The following MARCHF7 variants were observed in gnomAD, a reference collection of about 807,000 sequenced individuals.
MARCHF7 encodes E3 ubiquitin-protein ligase MARCHF7.
A neutral mutation model predicts 76.5 loss-of-function variants in MARCHF7; 20 were observed. The observed-to-expected ratio is 0.26, with a 90% CI of 0.18 to 0.38. The LOEUF is 0.38. Among genes scored for constraint, MARCHF7 ranks in the 10% least tolerant of loss-of-function variants. The probability of loss-of-function intolerance (pLI) is 1.00; values close to 1 mark genes in which losing one functional copy is unlikely to be tolerated. For synonymous variants in MARCHF7, 295 were observed against 293.0 expected, an observed-to-expected ratio of 1.01 and a Z score of -0.07; for missense variants, 797 against 812.9, an observed-to-expected ratio of 0.98 and a Z score of 0.24.
chr2:159,764,245 TGTGTGTGTGTGC>T (rs1169035235), intron 10 of MARCHF7, among the ~76,000 whole-genome samples: 3 of 148,162 alleles, frequency 2.0e-5, no homozygotes, highest in Non-Finnish European at 3.0e-5. Context: ...TGTGTGTGTG[TGTGTGTGTGTGC>T]GCGCGCCCAC....
intron 4 of MARCHF7, among the ~76,000 whole-genome samples, chr2:159,738,313 C>T (rs1371175466): frequency 6.6e-6 from 1 of 152,184 alleles, no homozygotes; most frequent in Non-Finnish European, 1.5e-5. Flanking sequence ...TAGGTCTGGA[C>T]TCCCCAAAGG....
chr2:159,728,057 A>T (rs1476707202), intron 3 of MARCHF7, among the ~76,000 whole-genome samples: 1 of 152,218 alleles, frequency 6.6e-6, no homozygotes, highest in African/African-American at 2.4e-5. Flanking sequence ...TTTTACTTAA[A>T]ATGTTACTTT....
At position 159,743,271 on chromosome 2, in the gene MARCHF7, T is replaced by C. The variant is rs747935784; in HGVS notation, c.346+18T>C. Reference sequence around the variant, plus strand: ...ATTATCAGGTAAGAATGAGTTTCTGTAGGTATTTTAAGCCGTTTTTCTCCA... The same window carrying C: ...ATTATCAGGTAAGAATGAGTTTCTGCAGGTATTTTAAGCCGTTTTTCTCCA... On this transcript the variant is annotated intron_variant, in intron 5 of 11. Transcript: ENST00000409175. The C allele has an allele frequency of 4.4e-6, 7 of 1,602,850 alleles. No individual in the cohort carries two copies. In the South Asian group the frequency reaches 7.8e-5, roughly 18 times the overall value.
rs550410486 is a variant in MARCHF7 at position 159,762,808 on chromosome 2, G to A, written c.1894-72G>A. ...CCTCTAGTTTATCAGTGTACTGTGA[G>A]TATCAATCTCAATTCTACTAATTTT... On this transcript the variant is annotated intron_variant, in intron 9 of 11. Coordinates refer to ENST00000409175, the MANE Select transcript of MARCHF7 (RefSeq NM_001282805.2). The A allele has an allele frequency of 1.1e-5, 9 of 828,510 alleles. No homozygotes were observed. In the South Asian group the frequency reaches 1.3e-4, roughly 12 times the overall value. 51.3% of individuals were successfully genotyped at this position (828,510 alleles called of 1,614,324 possible).
chr2:159,746,202 A>G (rs1704859117), intron 6 of MARCHF7, among the ~76,000 whole-genome samples: 1 of 152,178 alleles, frequency 6.6e-6, no homozygotes, highest in African/African-American at 2.4e-5. Context: ...TTAGAAAGTA[A>G]CATACTAAAT....
At chr2:159,749,170 G>T (rs538119830) in intron 7 of MARCHF7, among the ~76,000 whole-genome samples, 2 of 151,696 alleles carry the variant, frequency 1.3e-5, no homozygotes, top group African/African-American at 4.8e-5. Flanking sequence ...TAGGGACGGG[G>T]TTTCACCATG....
At chr2:159,722,602 G>A (rs947533700) in intron 3 of MARCHF7, among the ~76,000 whole-genome samples, 2 of 152,146 alleles carry the variant, frequency 1.3e-5, no homozygotes, top group Non-Finnish European at 2.9e-5. Flanking sequence ...TAGTGCATGA[G>A]TATCCAAAAA....
intron 4 of MARCHF7, among the ~76,000 whole-genome samples, chr2:159,732,365 G>GT (rs1472805166): frequency 2.0e-5 from 3 of 152,150 alleles, no homozygotes; most frequent in Admixed American, 1.3e-4. Context: ...ATGCTTTTTA[G>GT]TTGCTTTAAG....
At chr2:159,764,255 T>TGC (rs1553788076) in intron 10 of MARCHF7, among the ~76,000 whole-genome samples, 4,785 of 131,366 alleles carry the variant, frequency 0.036, 109 homozygotes, top group East Asian at 0.053. Flanking sequence ...TGTGTGTGTG[T>TGC]GCGCGCGCCC....
In MARCHF7 at chr2:159,729,860, A is replaced by G. The variant is rs148792104; in HGVS notation, c.153+685A>G. 2.9e-3 allele frequency among the ~76,000 whole-genome samples: 440 copies of G among 152,350 alleles called. 1 individual carries two copies. The highest frequency in any genetic ancestry group is 5.7e-3 in the Non-Finnish European group (385 of 68,040). On this transcript the variant is annotated intron_variant, in intron 4 of 11. Transcript: ENST00000409175. ...TGCATATACACAAAGCAGTGGTGAA[A>G]TAACAAATGTTAAGTGTTTTTCTGT...
In MARCHF7 at chr2:159,761,604, G is replaced by T. The variant is rs535474054; in HGVS notation, c.1894-1276G>T. On this transcript the variant is annotated intron_variant, in intron 9 of 11. Coordinates refer to ENST00000409175, the MANE Select transcript of MARCHF7 (RefSeq NM_001282805.2). ...TAATTGTATTTTTAGTAGAGATGGG[G>T]TTTCACCGTGTTGGCCAGGCTGTTC... is the stretch of plus-strand genomic sequence containing the variant. Among the ~76,000 whole-genome samples the T allele has an allele frequency of 2.7e-5, 4 of 150,730 alleles. No homozygotes were observed. In the South Asian group the frequency reaches 8.4e-4, roughly 32 times the overall value.
chr2:159,714,131 C>T (rs950035286), intron 1 of MARCHF7, among the ~76,000 whole-genome samples: 1 of 152,164 alleles, frequency 6.6e-6, no homozygotes, highest in Non-Finnish European at 1.5e-5. Flanking sequence ...AATTTTTAGT[C>T]CGCTCCATAC....
At chr2:159,718,457 G>T (rs997140592) in intron 3 of MARCHF7, among the ~76,000 whole-genome samples, 5 of 152,084 alleles carry the variant, frequency 3.3e-5, no homozygotes, top group Non-Finnish European at 7.4e-5. Context: ...GTTATTTTAT[G>T]ACTACTGTGT....
intron 3 of MARCHF7, among the ~76,000 whole-genome samples, chr2:159,726,224 GTTTT>G (rs759806180): frequency 0.43 from 32,061 of 74,764 alleles, 4,336 homozygotes; most frequent in Middle Eastern, 0.56. Context: ...TACAGGTTTT[GTTTT>G]GTTTTGTTTT....
In MARCHF7 at chr2:159,731,583, C is replaced by T. The variant is rs916606719; in HGVS notation, c.153+2408C>T. Among the ~76,000 whole-genome samples the T allele has an allele frequency of 4.0e-5, 6 of 151,264 alleles. No homozygotes were observed. The East Asian group carries it at 9.8e-4, about 25-fold the overall frequency. On this transcript the variant is annotated intron_variant, in intron 4 of 11. Coordinates refer to ENST00000409175, the MANE Select transcript of MARCHF7 (RefSeq NM_001282805.2). ...CAGCCTAACCAACATGGAGAAACCCCGTCTCTACTAAAAAGACAAAATTAG... is the reference window on the plus strand; with the variant it reads ...CAGCCTAACCAACATGGAGAAACCCTGTCTCTACTAAAAAGACAAAATTAG...
At chr2:159,742,165 AAG>A (rs1285133264) in intron 4 of MARCHF7, among the ~76,000 whole-genome samples, 1 of 152,172 alleles carries the variant, frequency 6.6e-6, no homozygotes, top group Non-Finnish European at 1.5e-5. Context: ...TATATGTTAA[AAG>A]AGAAAACCAT....
At position 159,752,556 on chromosome 2, in the gene MARCHF7, G is replaced by A. The variant is rs747087376; in HGVS notation, c.1768G>A (p.Ala590Thr). 6.6e-7 allele frequency: 1 copy of A among 1,520,458 alleles called. No homozygotes were observed. Among genetic ancestry groups the A allele is most frequent in the Non-Finnish European group, 8.8e-7 (1 of 1,133,488 alleles). The allele number at this position is 1,520,458 out of a possible 1,614,324, so 94.2% of individuals were successfully genotyped here. The change falls in exon 8 of 12, where the codon GCC becomes ACC. Residue 590 changes from alanine (A) to threonine (T), a missense_variant. Ala to Thr is a moderately conservative substitution (Grantham distance 58). Around this residue, in one of 3 missense-constraint regions of MARCHF7, gnomAD observed 30 missense variants for 60.1 expected, o/e 0.50. Coordinates refer to ENST00000409175, the MANE Select transcript of MARCHF7 (RefSeq NM_001282805.2). ...AGACTGTATGAAAAAGTGGTTACAG[G>A]CCAAAATTAACTCTGGTAAGATTTA... ...HQDCMKKWLQAKINSGSSLEA... is the reference protein window; with the variant it reads ...HQDCMKKWLQTKINSGSSLEA...
intron 4 of MARCHF7, among the ~76,000 whole-genome samples, chr2:159,731,602 A>G (rs1702797177): frequency 6.6e-6 from 1 of 151,750 alleles, no homozygotes; most frequent in Non-Finnish European, 1.5e-5. Flanking sequence ...TAAAAAGACA[A>G]AATTAGCTGG....
chr2:159,748,978 C>CTTTTTTTTTTTTTTT, intron 7 of MARCHF7, 75 bp downstream of exon 7: 1 of 775,340 alleles, frequency 1.3e-6, no homozygotes, highest in Non-Finnish European at 1.7e-6. Context: ...TTTTTCTTTT[C>CTTTTTTTTTTTTTTT]TTTTTTTTTT....
Sources: gnomAD v4.1 joint callset for allele counts (sites outside exome capture counted in the v4.1 genomes callset) on GRCh38, gnomAD v4.1.1 for gene constraint, gnomAD v4.1.1 regional missense constraint, MANE v1.5 for transcripts, NCBI Gene and HGNC (gene_info 2026-07-23, HGNC 2026-07-21) for gene names.